The following PLCG1 variants were observed in gnomAD, a reference collection of about 807,000 sequenced individuals.
PLCG1 encodes the protein phospholipase C gamma 1.
A neutral mutation model predicts 177.8 loss-of-function variants in PLCG1; 71 were observed. That is an observed-to-expected ratio of 0.40 (90% CI 0.33 to 0.49). The LOEUF (loss-of-function observed/expected upper bound fraction) is 0.49. Among genes scored for constraint, PLCG1 ranks in the 20% least tolerant of loss-of-function variants. The probability of loss-of-function intolerance (pLI) is 0.72; values close to 1 mark genes in which losing one functional copy is unlikely to be tolerated. For missense variants in PLCG1, 1,281 were observed against 1,709.0 expected (o/e 0.75, Z 4.42); for synonymous variants, 658 against 647.9 (o/e 1.02, Z -0.24).
chr20:41,137,671 C>T lies in PLCG1; in HGVS notation c.30C>T (p.Asn10=). The T allele has an allele frequency of 3.0e-6, 4 of 1,320,650 alleles. No homozygotes were observed. Among genetic ancestry groups the T allele is most frequent in the Non-Finnish European group, 3.9e-6 (4 of 1,034,902 alleles). 81.8% of individuals were successfully genotyped at this position (1,320,650 alleles called of 1,614,324 possible). The change falls in exon 1 of 32, where the codon AAC becomes AAT. Residue 10 remains asparagine, a synonymous_variant. Coordinates refer to ENST00000685551, the MANE Select transcript of PLCG1 (RefSeq NM_002660.3). The surrounding 1 kb of genome is among the most constrained non-coding windows in gnomAD (Gnocchi z 7.3). MAGAASPCA[N]GCGPGAPSDA... ...CGGGCGCCGCGTCCCCTTGCGCCAA[C>T]GGCTGCGGGCCCGGCGCGCCCTCGG...
Position 41,176,427 on chromosome 20 carries a change from G to A in PLCG1, c.*1918G>A, listed in dbSNP as rs2036066708. Reference sequence around the variant, plus strand: ...TTTCCTCTCTAGGTTTTTATGGCCTGGAGAGAAAGGTTTCCTATCAGAGAA... The same window carrying A: ...TTTCCTCTCTAGGTTTTTATGGCCTAGAGAGAAAGGTTTCCTATCAGAGAA... On this transcript the variant is annotated 3_prime_UTR_variant, in exon 32 of 32. Coordinates refer to ENST00000685551, the MANE Select transcript of PLCG1 (RefSeq NM_002660.3). 1 of 152,192 alleles carries A rather than the reference G, an allele frequency of 6.6e-6. No homozygotes were observed. Among genetic ancestry groups the A allele is most frequent in the Admixed American group, 6.5e-5 (1 of 15,280 alleles). 9.4% of individuals were successfully genotyped at this position (152,192 alleles called of 1,614,324 possible).
In PLCG1 at chr20:41,159,567, G is replaced by T; in HGVS notation, c.218-39G>T. On this transcript the variant is annotated intron_variant, in intron 1 of 31. Coordinates refer to ENST00000685551, the MANE Select transcript of PLCG1 (RefSeq NM_002660.3). The surrounding 1 kb of genome is among the most constrained non-coding windows in gnomAD (Gnocchi z 6.0). ...CCTCCTTTCGGTGTTGACTCTGGGA[G>T]ACCCCAGCTTGATCTTGGCCTCTTT... 6.2e-7 allele frequency: 1 copy of T among 1,605,826 alleles called. No homozygotes were observed. Among genetic ancestry groups the T allele is most frequent in the South Asian group, 1.1e-5 (1 of 90,330 alleles).
rs144888517 is a variant in PLCG1, at chr20:41,160,934, C to T, written c.512+781C>T. Among the ~76,000 whole-genome samples, 3 of 152,158 alleles carry T rather than the reference C, an allele frequency of 2.0e-5. No homozygotes were observed. Among genetic ancestry groups the T allele is most frequent in the East Asian group, 1.9e-4 (1 of 5,178 alleles). The stretch of plus-strand genomic sequence containing the variant: ...TTTGGAGGGAAGCTTGGGTTCAGTT[C>T]GAGGCATGTTAAGTTTTCTGATGCC... On this transcript the variant is annotated intron_variant, in intron 4 of 31. Transcript: ENST00000685551. This position sits in a 1 kb window ranked among gnomAD's most constrained non-coding sequence, Gnocchi z 5.5.
chr20:41,161,858 C>T (rs1319127048), intron 4 of PLCG1, among the ~76,000 whole-genome samples: 3 of 152,160 alleles, frequency 2.0e-5, no homozygotes, highest in African/African-American at 7.2e-5. Context: ...CGCTTGTTCT[C>T]TCAGTTTCTT....
rs145749043 is a variant in PLCG1 at position 41,146,684 on chromosome 20, G to C, written c.217+8826G>C. Among the ~76,000 whole-genome samples the C allele has an allele frequency of 9.2e-4, 140 of 152,328 alleles. No individual in the cohort carries two copies. Among genetic ancestry groups the C allele is most frequent in the African/African-American group, 3.2e-3 (132 of 41,572 alleles). On this transcript the variant is annotated intron_variant, in intron 1 of 31. Coordinates refer to ENST00000685551, the MANE Select transcript of PLCG1 (RefSeq NM_002660.3). This position sits in a 1 kb window ranked among gnomAD's most constrained non-coding sequence, Gnocchi z 6.3. ...CTTGGACACCTGGGGATATGGTTGA[G>C]TTAAAATGTTCTGAGGGAAATGATT... is the stretch of plus-strand genomic sequence containing the variant.
chr20:41,163,811 T>G lies in PLCG1; in HGVS notation c.988T>G (p.Trp330Gly). The change falls in exon 10 of 32, where the codon TGG (tryptophan) becomes GGG (glycine). Residue 330 changes from tryptophan (W) to glycine (G), a missense_variant. Trp to Gly is a radical substitution (Grantham distance 184, BLOSUM62 -2). Coordinates refer to ENST00000685551, the MANE Select transcript of PLCG1 (RefSeq NM_002660.3). This position sits in a 1 kb window ranked among gnomAD's most constrained non-coding sequence, Gnocchi z 5.2. ...DTMNNPLSHY[W>G]ISSSHNTYLT... ...CATGAACAACCCTCTTTCCCACTAC[T>G]GGATCTCCTCCTCGCACAACACGTG... The G allele has an allele frequency of 6.2e-7, 1 of 1,613,484 alleles. No homozygotes were observed. The highest frequency in any genetic ancestry group is 8.5e-7 in the Non-Finnish European group (1 of 1,179,364).
chr20:41,138,092 TC>T (rs1033505257), intron 1 of PLCG1: 18 of 363,210 alleles, frequency 5.0e-5, no homozygotes, highest in Non-Finnish European at 8.3e-5. Flanking sequence ...GGGGGAGTGT[TC>T]CAGGCGCTTT....
Position 41,174,264 on chromosome 20 carries a change from C to T in PLCG1, c.3786C>T (p.Arg1262=). 2 of 1,614,218 alleles carry T rather than the reference C, an allele frequency of 1.2e-6. No homozygotes were observed. The highest frequency in any genetic ancestry group is 1.7e-6 in the Non-Finnish European group (2 of 1,180,042). The change falls in exon 31 of 32, where the codon CGC becomes CGT. Residue 1262 remains arginine, a synonymous_variant. Transcript: ENST00000685551. This position sits in a 1 kb window ranked among gnomAD's most constrained non-coding sequence, Gnocchi z 5.8. Reference sequence around the variant, plus strand: ...ACCAGCAGCCGTTTGAGGACTTCCGCATCTCCCAGGAGCATCTCGCAGACC... The same window carrying T: ...ACCAGCAGCCGTTTGAGGACTTCCGTATCTCCCAGGAGCATCTCGCAGACC... ...SRYQQPFEDF[R]ISQEHLADHF... is the part of the protein sequence containing the mutation.
chr20:41,149,237 A>G (rs1205934313), intron 1 of PLCG1, among the ~76,000 whole-genome samples: 1 of 152,150 alleles, frequency 6.6e-6, no homozygotes, highest in African/African-American at 2.4e-5. Context: ...CATAATACTC[A>G]TATCTAATTT....
rs1270250596 is a variant in PLCG1, at chr20:41,150,299, T to C, written c.218-9307T>C. On this transcript the variant is annotated intron_variant, in intron 1 of 31. Coordinates refer to ENST00000685551, the MANE Select transcript of PLCG1 (RefSeq NM_002660.3). This position sits in a 1 kb window ranked among gnomAD's most constrained non-coding sequence, Gnocchi z 4.0. ...TTGGGCAACATAGTGAGACCCCATC[T>C]CTATAAAATATAAAGAAAAATTTTA... 1.3e-5 allele frequency among the ~76,000 whole-genome samples: 2 copies of C among 152,244 alleles called. No individual in the cohort carries two copies. The highest frequency in any genetic ancestry group is 2.4e-5 in the African/African-American group (1 of 41,460).
chr20:41,167,160 T>C lies in PLCG1; in HGVS notation c.2301+301T>C, dbSNP rs1377825960. On this transcript the variant is annotated intron_variant, in intron 19 of 31. Coordinates refer to ENST00000685551, the MANE Select transcript of PLCG1 (RefSeq NM_002660.3). The surrounding 1 kb of genome is among the most constrained non-coding windows in gnomAD (Gnocchi z 4.4). ...GAGAGGTGCACACAGTGGAAACTCA[T>C]CCACCTGGGCTTGGCCTGGACTCTG... Among the ~76,000 whole-genome samples, 1 of 152,160 alleles carries C rather than the reference T, an allele frequency of 6.6e-6. No homozygotes were observed. The highest frequency in any genetic ancestry group is 2.4e-5 in the African/African-American group (1 of 41,422).
At chr20:41,169,557 G>A (rs753946141) in intron 23 of PLCG1, 31 bp downstream of exon 23, 9 of 1,522,018 alleles carry the variant, frequency 5.9e-6, no homozygotes, top group South Asian at 4.5e-5. Context: ...CTTGCCCACT[G>A]TTCCCTAGGG....
At chr20:41,171,176 T>C (rs1242318420) in intron 24 of PLCG1, among the ~76,000 whole-genome samples, 6 of 152,054 alleles carry the variant, frequency 3.9e-5, no homozygotes, top group African/African-American at 1.4e-4. Context: ...GCAAGCCAAA[T>C]AGAGAAGGGA....
Position 41,159,598 on chromosome 20 carries a change from C to T in PLCG1, c.218-8C>T. 1 of 1,613,416 alleles carries T rather than the reference C, an allele frequency of 6.2e-7. No individual in the cohort carries two copies. Among genetic ancestry groups the T allele is most frequent in the Non-Finnish European group, 8.5e-7 (1 of 1,179,688 alleles). On this transcript the variant is annotated splice_region_variant and splice_polypyrimidine_tract_variant and intron_variant, in intron 1 of 31. Coordinates refer to ENST00000685551, the MANE Select transcript of PLCG1 (RefSeq NM_002660.3). This position sits in a 1 kb window ranked among gnomAD's most constrained non-coding sequence, Gnocchi z 6.0. The stretch of plus-strand genomic sequence containing the variant: ...AGCTTGATCTTGGCCTCTTTGCTAC[C>T]TTCCTAGTTGACATTCGTGAAATTA...
In PLCG1 at chr20:41,157,898, G is replaced by A. The variant is rs1276380391; in HGVS notation, c.218-1708G>A. On this transcript the variant is annotated intron_variant, in intron 1 of 31. Transcript: ENST00000685551. This position sits in a 1 kb window ranked among gnomAD's most constrained non-coding sequence, Gnocchi z 5.4. ...TGTTTGTTCTCCTTAGACTGGCAGT[G>A]GGCAGCCTCGGGAGGGGCTTGAATG... Among the ~76,000 whole-genome samples, 1 of 152,192 alleles carries A rather than the reference G, an allele frequency of 6.6e-6. No individual in the cohort carries two copies. The highest frequency in any genetic ancestry group is 1.5e-5 in the Non-Finnish European group (1 of 68,040).
At position 41,170,178 on chromosome 20, in the gene PLCG1, A is replaced by C; in HGVS notation, c.2717A>C (p.His906Pro). 1 of 1,614,044 alleles carries C rather than the reference A, an allele frequency of 6.2e-7. No individual in the cohort carries two copies. The highest frequency in any genetic ancestry group is 1.1e-5 in the South Asian group (1 of 91,070). Residue 906 changes from histidine to proline, a missense_variant, in exon 24 of 32, where the codon CAC (histidine) becomes CCC (proline). By Grantham distance (77) the His-to-Pro change is moderately conservative. This residue lies in a region of PLCG1 where 723 missense variants were observed against 1,030.0 expected (regional missense o/e 0.70). Coordinates refer to ENST00000685551, the MANE Select transcript of PLCG1 (RefSeq NM_002660.3). ...VFSISMASVA[H>P]WSLDVAADSQ... ...TCCATCAGCATGGCGTCGGTGGCCCACTGGTCCCTGGATGTTGCTGCCGAC... is the reference window on the plus strand; with the variant it reads ...TCCATCAGCATGGCGTCGGTGGCCCCCTGGTCCCTGGATGTTGCTGCCGAC...
rs1405361469 is a variant in PLCG1, at chr20:41,172,871, T to G, written c.3273T>G (p.Ser1091=). ...SLRGLEPCAI[S]IEVLGARHLP... is the part of the protein sequence containing the mutation. ...GCGGGCTGGAGCCATGTGCCATCTC[T>G]ATTGAGGTGGGTGCTGCTCATCTGG... Residue 1091 remains serine, a synonymous_variant, in exon 27 of 32, where the codon TCT becomes TCG. Coordinates refer to ENST00000685551, the MANE Select transcript of PLCG1 (RefSeq NM_002660.3). This position sits in a 1 kb window ranked among gnomAD's most constrained non-coding sequence, Gnocchi z 7.0. The G allele has an allele frequency of 6.2e-7, 1 of 1,613,892 alleles. No homozygotes were observed.
intron 1 of PLCG1, among the ~76,000 whole-genome samples, chr20:41,152,809 G>A (rs1254032739): frequency 6.6e-6 from 1 of 152,262 alleles, no homozygotes; most frequent in Non-Finnish European, 1.5e-5. Flanking sequence ...GACAAGTGGT[G>A]ACACACAAGA....
chr20:41,166,975 G>A lies in PLCG1; in HGVS notation c.2301+116G>A. 2.0e-6 allele frequency: 2 copies of A among 1,005,572 alleles called. No individual in the cohort carries two copies. The highest frequency in any genetic ancestry group is 3.0e-6 in the Non-Finnish European group (2 of 658,046). 62.3% of individuals were successfully genotyped at this position (1,005,572 alleles called of 1,614,324 possible). A position where few individuals can be genotyped will look rare whatever the true frequency, so the allele number is the denominator to read the frequency against. The stretch of plus-strand genomic sequence containing the variant: ...TGGTGTGTTGTAGAAGTTCGTGGGA[G>A]GGCCCCTGACTCCAGCTGGGAGCCA... On this transcript the variant is annotated intron_variant, in intron 19 of 31. Coordinates refer to ENST00000685551, the MANE Select transcript of PLCG1 (RefSeq NM_002660.3). The surrounding 1 kb of genome is among the most constrained non-coding windows in gnomAD (Gnocchi z 8.6).
Sources: allele counts gnomAD v4.1 joint callset (sites outside exome capture counted in the v4.1 genomes callset), GRCh38; gene constraint gnomAD v4.1.1; regional missense constraint gnomAD v4.1.1; non-coding constraint Gnocchi (gnomAD v3.1); transcripts MANE v1.5; gene names NCBI Gene and HGNC (gene_info 2026-07-23, HGNC 2026-07-21).